EHBP1: variants seen among roughly 807,000 people sequenced by gnomAD.
EHBP1 encodes the protein EH domain binding protein 1.
Under a neutral mutation model 144.0 loss-of-function variants are expected in EHBP1, and 55 were observed. The observed-to-expected ratio is 0.38, with a 90% CI of 0.31 to 0.48. The LOEUF (loss-of-function observed/expected upper bound fraction) is 0.48, where lower values mean the gene tolerates loss of function less well. Among genes scored for constraint, EHBP1 ranks in the 20% least tolerant of loss-of-function variants. The probability of loss-of-function intolerance (pLI) is 0.98; values close to 1 mark genes in which losing one functional copy is unlikely to be tolerated. For missense variants in EHBP1, 1,200 were observed against 1,364.2 expected (o/e 0.88, Z 1.90); for synonymous variants, 469 against 472.7 (o/e 0.99, Z 0.10).
intron 1 of EHBP1, among the ~76,000 whole-genome samples, chr2:62,686,013 CAA>C (rs990064136): frequency 2.0e-5 from 3 of 151,520 alleles, no homozygotes; most frequent in African/African-American, 7.3e-5. Context: ...TCAATAAGGA[CAA>C]AAAAAATAGT....
Position 62,990,701 on chromosome 2 carries a change from T to A in EHBP1, c.2609-15T>A. ...CATCTCACTCAGTTATTCATGGTAT[T>A]TGCATATTTAACAGAACAAAACAGT... On this transcript the variant is annotated splice_polypyrimidine_tract_variant and intron_variant, in intron 15 of 22. Transcript: ENST00000431489. The A allele has an allele frequency of 6.2e-7, 1 of 1,612,954 alleles. No individual in the cohort carries two copies. The highest frequency in any genetic ancestry group is 8.5e-7 in the Non-Finnish European group (1 of 1,179,268).
At chr2:62,834,959 G>C (rs183763687) in intron 7 of EHBP1, among the ~76,000 whole-genome samples, 25 of 152,070 alleles carry the variant, frequency 1.6e-4, no homozygotes, top group Admixed American at 3.9e-4. Context: ...TTTTTTTATA[G>C]TTTATTTTTT....
intron 10 of EHBP1, among the ~76,000 whole-genome samples, chr2:62,941,173 C>G (rs1466933261): frequency 6.6e-6 from 1 of 152,092 alleles, no homozygotes; most frequent in Non-Finnish European, 1.5e-5. Context: ...CAGTGCTCCC[C>G]TAACTCATCC....
intron 5 of EHBP1, among the ~76,000 whole-genome samples, chr2:62,789,861 A>C (rs578173176): frequency 6.6e-6 from 1 of 152,354 alleles, no homozygotes; most frequent in East Asian, 1.9e-4. Flanking sequence ...TTTAAAAAAC[A>C]TGAGATTGTT....
At position 62,707,121 on chromosome 2, in the gene EHBP1, T is replaced by G; in HGVS notation, c.-71T>G. ...GACATACATGCAAAGTTCCTTTGCT[T>G]TGGACCCTCTGCATTATTAAAGCTG... On this transcript the variant is annotated 5_prime_UTR_variant, in exon 2 of 23. Coordinates refer to ENST00000431489, the MANE Select transcript of EHBP1 (RefSeq NM_001142616.3). The G allele has an allele frequency of 8.3e-7, 1 of 1,206,060 alleles. No individual in the cohort carries two copies. The highest frequency in any genetic ancestry group is 1.2e-6 in the Non-Finnish European group (1 of 809,748). 74.7% of individuals were successfully genotyped at this position (1,206,060 alleles called of 1,614,324 possible).
In EHBP1 at chr2:62,948,441, A is replaced by T; in HGVS notation, c.1595A>T (p.Lys532Ile). 1 of 1,613,678 alleles carries T rather than the reference A, an allele frequency of 6.2e-7. No individual in the cohort carries two copies. Among genetic ancestry groups the T allele is most frequent in the East Asian group, 2.2e-5 (1 of 44,838 alleles). The change falls in exon 13 of 23, where the codon AAA becomes ATA. Residue 532 changes from lysine (K) to isoleucine (I), a missense_variant. Lys to Ile is a moderately radical substitution (Grantham distance 102). This residue lies in a region of EHBP1 where 94 missense variants were observed against 143.0 expected (regional missense o/e 0.66). Coordinates refer to ENST00000431489, the MANE Select transcript of EHBP1 (RefSeq NM_001142616.3). ...IEENSSKSTY[K>I]VGNYETDTNS... ...GAAAACAGCAGTAAAAGCACATATA[A>T]AGTTGGAAACTATGAAACAGATACA...
chr2:62,869,589 A>G (rs993208512), intron 9 of EHBP1, among the ~76,000 whole-genome samples: 7 of 152,200 alleles, frequency 4.6e-5, no homozygotes, highest in Non-Finnish European at 1.5e-5. Flanking sequence ...CTATAGTGAG[A>G]AAAAACAGAT....
intron 10 of EHBP1, among the ~76,000 whole-genome samples, chr2:62,921,258 C>T (rs958111924): frequency 2.6e-5 from 4 of 151,892 alleles, no homozygotes; most frequent in Admixed American, 2.0e-4. Flanking sequence ...CCAGCCTGGG[C>T]AACATAGCGA....
At chr2:62,709,109 C>G (rs968604387) in intron 2 of EHBP1, among the ~76,000 whole-genome samples, 41 of 152,022 alleles carry the variant, frequency 2.7e-4, no homozygotes, top group African/African-American at 9.7e-4. Flanking sequence ...AAAAAGGTGA[C>G]TGGAAGCAGC....
intron 7 of EHBP1, among the ~76,000 whole-genome samples, chr2:62,837,719 A>G (rs1450082835): frequency 2.6e-5 from 4 of 151,322 alleles, no homozygotes; most frequent in Non-Finnish European, 5.9e-5. Flanking sequence ...ACTTTAAACC[A>G]ACAAAGATCA....
chr2:62,787,405 C>A (rs865794822), intron 5 of EHBP1, among the ~76,000 whole-genome samples: 55 of 125,494 alleles, frequency 4.4e-4, no homozygotes, highest in African/African-American at 1.5e-3. Context: ...CCCCCCCCCC[C>A]CACCCCCTTG....
intron 1 of EHBP1, among the ~76,000 whole-genome samples, chr2:62,682,838 T>A (rs867139650): frequency 1.3e-5 from 2 of 152,206 alleles, no homozygotes; most frequent in Non-Finnish European, 2.9e-5. Context: ...TTAGTAACAG[T>A]AAGCCCACTG....
intron 1 of EHBP1, among the ~76,000 whole-genome samples, chr2:62,695,743 C>T (rs143336707): frequency 2.3e-3 from 348 of 152,328 alleles, no homozygotes; most frequent in African/African-American, 8.0e-3. Context: ...AACAGAGTCT[C>T]ACTCTGTCTC....
At chr2:62,798,966 T>C (rs2043766402) in intron 5 of EHBP1, among the ~76,000 whole-genome samples, 1 of 128,050 alleles carries the variant, frequency 7.8e-6, no homozygotes, top group Non-Finnish European at 1.5e-5. Flanking sequence ...ATCGTGCCAC[T>C]GCACGCCAGC....
At chr2:62,755,327 G>A (rs899756592) in intron 3 of EHBP1, among the ~76,000 whole-genome samples, 1 of 151,912 alleles carries the variant, frequency 6.6e-6, no homozygotes, top group African/African-American at 2.4e-5. Flanking sequence ...TTGTGTTTTG[G>A]TAGTTTATTT....
In EHBP1 at chr2:63,045,503, A is replaced by T; in HGVS notation, c.*3A>T. 1 of 1,609,828 alleles carries T rather than the reference A, an allele frequency of 6.2e-7. No homozygotes were observed. The highest frequency in any genetic ancestry group is 8.5e-7 in the Non-Finnish European group (1 of 1,176,890). ...AGGAGAAATGTGTTCTTCAGTAGCC[A>T]TCAGATCAGAAAGAATCTCTCCCAA... On this transcript the variant is annotated 3_prime_UTR_variant, in exon 23 of 23. Transcript: ENST00000431489. The surrounding 1 kb of genome is among the most constrained non-coding windows in gnomAD (Gnocchi z 5.7).
At chr2:62,766,432 G>A (rs1453978423) in intron 4 of EHBP1, among the ~76,000 whole-genome samples, 1 of 152,074 alleles carries the variant, frequency 6.6e-6, no homozygotes, top group African/African-American at 2.4e-5. Flanking sequence ...AGAAACATGG[G>A]ACCTGAGAGA....
chr2:62,822,654 C>T (rs2046065750), intron 5 of EHBP1, among the ~76,000 whole-genome samples: 1 of 152,124 alleles, frequency 6.6e-6, no homozygotes, highest in African/African-American at 2.4e-5. Flanking sequence ...TTCAAAGTGG[C>T]TGTATCAGTT....
intron 7 of EHBP1, among the ~76,000 whole-genome samples, chr2:62,854,034 C>G (rs1375808017): frequency 6.6e-6 from 1 of 152,140 alleles, no homozygotes; most frequent in African/African-American, 2.4e-5. Context: ...TTTAAGGGCC[C>G]TAGGATTTTC....
Sources: gnomAD v4.1 joint callset for allele counts (sites outside exome capture counted in the v4.1 genomes callset) on GRCh38, gnomAD v4.1.1 for gene constraint, gnomAD v4.1.1 regional missense constraint, Gnocchi (gnomAD v3.1) non-coding constraint, MANE v1.5 for transcripts, NCBI Gene and HGNC (gene_info 2026-07-23, HGNC 2026-07-21) for gene names.